The following LINGO2 variants were observed in gnomAD, a reference collection of about 807,000 sequenced individuals.
LINGO2 encodes leucine-rich repeat and immunoglobulin-like domain-containing nogo receptor-interacting protein 2.
A neutral mutation model predicts 30.6 loss-of-function variants in LINGO2; 14 were observed. The observed-to-expected ratio is 0.46, with a 90% CI of 0.30 to 0.72. LINGO2 has a LOEUF of 0.72. LINGO2 is among the 30% of genes least tolerant of loss of function. The pLI is 0.07. For missense variants in LINGO2, 729 were observed against 751.7 expected, an observed-to-expected ratio of 0.97 and a Z score of 0.35; for synonymous variants, 317 against 288.5, an observed-to-expected ratio of 1.10 and a Z score of -1.00.
At chr9:28,625,653 C>T (rs912315184) in intron 1 of LINGO2, among the ~76,000 whole-genome samples, 3 of 151,632 alleles carry the variant, frequency 2.0e-5, no homozygotes, top group African/African-American at 7.3e-5. Context: ...TGAGGTATGC[C>T]CATTTTTTTC....
chr9:27,974,580 G>A (rs957049800), intron 5 of LINGO2, among the ~76,000 whole-genome samples: 1 of 151,972 alleles, frequency 6.6e-6, no homozygotes, highest in Non-Finnish European at 1.5e-5. Context: ...ATTACCACCC[G>A]GTATTGCATG....
the LINGO2 span, among the ~76,000 whole-genome samples, chr9:28,808,713 A>G: frequency 1.3e-5 from 2 of 152,242 alleles, no homozygotes; most frequent in Non-Finnish European, 2.9e-5. Flanking sequence ...ATGACCAGAC[A>G]TAAAACCAAT....
the LINGO2 span, among the ~76,000 whole-genome samples, chr9:28,883,628 G>GTGTGTGTGTGTATATATA: frequency 1.6e-5 from 1 of 64,176 alleles, no homozygotes; most frequent in South Asian, 6.4e-4. Context: ...ATGTGTGTGT[G>GTGTGTGTGTGTATATATA]TATATATATA....
At chr9:29,132,209 T>A in the LINGO2 span, among the ~76,000 whole-genome samples, 3 of 151,826 alleles carry the variant, frequency 2.0e-5, no homozygotes, top group Non-Finnish European at 2.9e-5. Flanking sequence ...ATCACGTTCC[T>A]CGAGGGGGGG....
intron 5 of LINGO2, among the ~76,000 whole-genome samples, chr9:27,979,509 T>A (rs922178482): frequency 6.6e-6 from 1 of 151,970 alleles, no homozygotes; most frequent in Non-Finnish European, 1.5e-5. Flanking sequence ...ATTGTGTGCA[T>A]AAATATATAT....
chr9:28,260,935 C>T (rs572899592), intron 4 of LINGO2, among the ~76,000 whole-genome samples: 104 of 151,924 alleles, frequency 6.8e-4, no homozygotes, highest in Non-Finnish European at 1.2e-3. Context: ...GCATCATCAA[C>T]AATCTTTGTG....
intron 1 of LINGO2, among the ~76,000 whole-genome samples, chr9:28,562,457 CAAAAA>C (rs56998877): frequency 2.8e-4 from 31 of 109,184 alleles, no homozygotes; most frequent in East Asian, 5.6e-4. Context: ...CATTTACTTT[CAAAAA>C]AAAAAAAAAA....
intron 4 of LINGO2, among the ~76,000 whole-genome samples, chr9:28,015,764 G>A (rs1822799013): frequency 6.7e-6 from 1 of 149,502 alleles, no homozygotes; most frequent in Admixed American, 6.6e-5. Flanking sequence ...AACAACCTGA[G>A]ACTCAGGTGA....
At chr9:28,475,085 G>A (rs1402226270) in intron 2 of LINGO2, among the ~76,000 whole-genome samples, 1 of 151,940 alleles carries the variant, frequency 6.6e-6, no homozygotes, top group Non-Finnish European at 1.5e-5. Flanking sequence ...TACATCCAGA[G>A]AGCCAATTAG....
chr9:28,757,056 T>C, the LINGO2 span, among the ~76,000 whole-genome samples: 2 of 152,056 alleles, frequency 1.3e-5, no homozygotes, highest in Non-Finnish European at 2.9e-5. Context: ...ATGATGATGA[T>C]AATATTTTTA....
At chr9:28,882,761 T>G in the LINGO2 span, among the ~76,000 whole-genome samples, 3 of 152,132 alleles carry the variant, frequency 2.0e-5, no homozygotes, top group African/African-American at 7.2e-5. Context: ...TATTGTTACC[T>G]CATCCTCCCT....
the LINGO2 span, among the ~76,000 whole-genome samples, chr9:29,146,184 C>T: frequency 1.3e-5 from 2 of 151,968 alleles, no homozygotes; most frequent in African/African-American, 2.4e-5. Flanking sequence ...GGTGAAACCC[C>T]GTCTCTACTA....
intron 4 of LINGO2, among the ~76,000 whole-genome samples, chr9:28,247,779 A>G (rs1415643030): frequency 6.6e-6 from 1 of 152,194 alleles, no homozygotes; most frequent in Non-Finnish European, 1.5e-5. Context: ...TTGAATATCC[A>G]ATTACAAAAT....
At chr9:29,155,062 C>T in the LINGO2 span, among the ~76,000 whole-genome samples, 1 of 152,180 alleles carries the variant, frequency 6.6e-6, no homozygotes, top group Non-Finnish European at 1.5e-5. Flanking sequence ...AGACAATACA[C>T]ATAAAGCATT....
At chr9:28,094,788 T>A (rs928410455) in intron 4 of LINGO2, among the ~76,000 whole-genome samples, 7 of 135,956 alleles carry the variant, frequency 5.1e-5, no homozygotes. Context: ...TGTACCATAC[T>A]TTTTTTCCCA....
chr9:28,832,371 C>A, the LINGO2 span, among the ~76,000 whole-genome samples: 5 of 152,146 alleles, frequency 3.3e-5, no homozygotes, highest in Non-Finnish European at 7.4e-5. Context: ...ACGTGTGCAA[C>A]TTATGTTTCT....
At chr9:28,420,582 T>G (rs927154174) in intron 2 of LINGO2, among the ~76,000 whole-genome samples, 1 of 152,064 alleles carries the variant, frequency 6.6e-6, no homozygotes, top group Non-Finnish European at 1.5e-5. Flanking sequence ...TCAAGGGGAT[T>G]AATTTACAGC....
chr9:28,987,823 C>G, the LINGO2 span, among the ~76,000 whole-genome samples: 6 of 152,050 alleles, frequency 3.9e-5, no homozygotes, highest in Non-Finnish European at 7.4e-5. Flanking sequence ...TGTTTAATTT[C>G]CATGTATTTA....
intron 4 of LINGO2, among the ~76,000 whole-genome samples, chr9:28,060,301 A>G (rs367848089): frequency 6.1e-4 from 93 of 152,190 alleles, no homozygotes; most frequent in African/African-American, 2.2e-3. Flanking sequence ...AATTCCATCA[A>G]CACTGATTTC....
Sources: allele counts gnomAD v4.1 joint callset (sites outside exome capture counted in the v4.1 genomes callset), GRCh38; gene constraint gnomAD v4.1.1; transcripts MANE v1.5; gene names NCBI Gene and HGNC (gene_info 2026-07-23, HGNC 2026-07-21).